The following FHIT variants were observed in gnomAD, a reference collection of about 807,000 sequenced individuals.
FHIT encodes bis(5'-adenosyl)-triphosphatase.
A neutral mutation model predicts 17.9 loss-of-function variants in FHIT; 19 were observed. That is an observed-to-expected ratio of 1.06 (90% CI 0.74 to 1.56). The LOEUF (loss-of-function observed/expected upper bound fraction) is 1.56, where lower values mean the gene tolerates loss of function less well. Ranked by LOEUF, FHIT falls within the 40% of genes most tolerant of loss-of-function variation. The pLI, the probability that FHIT is intolerant of heterozygous loss-of-function variation, is 0.00. For synonymous variants in FHIT, 81 were observed against 69.7 expected, an observed-to-expected ratio of 1.16 and a Z score of -0.81; for missense variants, 248 against 189.2, an observed-to-expected ratio of 1.31 and a Z score of -1.82.
At chr3:59,970,721 G>A (rs1367512143) in intron 7 of FHIT, among the ~76,000 whole-genome samples, 1 of 151,898 alleles carries the variant, frequency 6.6e-6, no homozygotes, top group African/African-American at 2.4e-5. Context: ...GTTAATTTTT[G>A]TTATTGTTGT....
intron 5 of FHIT, among the ~76,000 whole-genome samples, chr3:60,348,148 T>C (rs1710891046): frequency 6.6e-6 from 1 of 152,002 alleles, no homozygotes; most frequent in African/African-American, 2.4e-5. Flanking sequence ...AAAAATTGTG[T>C]CTATTTGTAA....
intron 3 of FHIT, among the ~76,000 whole-genome samples, chr3:60,837,744 T>G (rs762174198): frequency 1.3e-5 from 2 of 152,152 alleles, no homozygotes; most frequent in Non-Finnish European, 2.9e-5. Flanking sequence ...CTGTTTTGAT[T>G]TATCTAAAGT....
At chr3:61,029,258 T>G (rs2032889937) in intron 3 of FHIT, among the ~76,000 whole-genome samples, 1 of 152,158 alleles carries the variant, frequency 6.6e-6, no homozygotes, top group African/African-American at 2.4e-5. Context: ...GTACCAAGAT[T>G]TACTGCTCTG....
chr3:60,837,818 T>C lies in FHIT; in HGVS notation c.-110-15807A>G, dbSNP rs771639731. On this transcript the variant is annotated intron_variant, in intron 3 of 9. Transcript: ENST00000492590. The stretch of plus-strand genomic sequence containing the variant: ...TTCTCTAGGTATTACTTTATATATT[T>C]ATAACTAAACAGTTTACTGGTGTCA... 2.6e-5 allele frequency among the ~76,000 whole-genome samples: 4 copies of C among 152,164 alleles called. 1 individual carries two copies. The highest frequency in any genetic ancestry group is 6.5e-5 in the Admixed American group (1 of 15,268).
intron 2 of FHIT, among the ~76,000 whole-genome samples, chr3:61,057,688 G>C (rs924646135): frequency 8.5e-5 from 13 of 152,216 alleles, no homozygotes; most frequent in South Asian, 4.1e-4. Context: ...TGTGGCGGGG[G>C]AGAGAGGGTG....
intron 4 of FHIT, among the ~76,000 whole-genome samples, chr3:60,713,637 A>T (rs2041601837): frequency 6.6e-6 from 1 of 152,344 alleles, no homozygotes; most frequent in South Asian, 2.1e-4. Flanking sequence ...CCATCAGAGA[A>T]TACTATAAAC....
intron 6 of FHIT, among the ~76,000 whole-genome samples, chr3:60,012,265 TG>T (rs1477556950): frequency 3.1e-4 from 41 of 134,322 alleles, no homozygotes; most frequent in African/African-American, 6.2e-4. Context: ...TTTTTTTTGT[TG>T]TTTTTTTTTT....
intron 5 of FHIT, among the ~76,000 whole-genome samples, chr3:60,500,586 A>G (rs984676862): frequency 1.3e-5 from 2 of 151,340 alleles, no homozygotes; most frequent in African/African-American, 4.9e-5. Context: ...CCTGGTCAAC[A>G]TGGTAAAACC....
intron 5 of FHIT, among the ~76,000 whole-genome samples, chr3:60,029,962 T>C (rs980148356): frequency 6.8e-6 from 1 of 146,176 alleles, no homozygotes; most frequent in South Asian, 2.1e-4. Flanking sequence ...GCGTGGCTTT[T>C]TGCAGAGTCT....
intron 5 of FHIT, among the ~76,000 whole-genome samples, chr3:60,165,495 A>T (rs902189005): frequency 1.3e-5 from 2 of 152,204 alleles, no homozygotes; most frequent in East Asian, 3.9e-4. Context: ...GCTCATTGTC[A>T]TAAGTGATGT....
rs1167321659 is a variant in FHIT, at chr3:60,441,787, T to C, written c.103+95073A>G. On this transcript the variant is annotated intron_variant, in intron 5 of 9. Coordinates refer to ENST00000492590, the MANE Select transcript of FHIT (RefSeq NM_002012.4). ...ATATATATTTATATGTATAAAAATA[T>C]ATATATATATATATATATATATATA... is the stretch of plus-strand genomic sequence containing the variant. 3.1e-3 allele frequency among the ~76,000 whole-genome samples: 254 copies of C among 81,538 alleles called. 6 individuals are homozygous for C. The highest frequency in any genetic ancestry group is 0.016 in the African/African-American group (242 of 15,452). The allele number at this position is 81,538 out of a possible 152,430, so 53.5% of individuals were successfully genotyped here. A position where few individuals can be genotyped will look rare whatever the true frequency, so the allele number is the denominator to read the frequency against.
At chr3:60,012,562 C>A (rs1282372555) in intron 6 of FHIT, among the ~76,000 whole-genome samples, 2 of 152,074 alleles carry the variant, frequency 1.3e-5, no homozygotes, top group Non-Finnish European at 1.5e-5. Context: ...AGCCACCACA[C>A]CCAGCCAGAA....
At chr3:60,635,112 C>G (rs2039547869) in intron 4 of FHIT, among the ~76,000 whole-genome samples, 1 of 151,838 alleles carries the variant, frequency 6.6e-6, no homozygotes, top group South Asian at 2.1e-4. Context: ...TGCAGCAGAT[C>G]TTAGGGACAC....
intron 5 of FHIT, among the ~76,000 whole-genome samples, chr3:60,245,842 G>C (rs1305334843): frequency 6.6e-6 from 1 of 151,888 alleles, no homozygotes; most frequent in Non-Finnish European, 1.5e-5. Context: ...ACAATTATCT[G>C]GGCATTAACA....
chr3:60,982,513 T>C (rs1459427280), intron 3 of FHIT, among the ~76,000 whole-genome samples: 6 of 152,350 alleles, frequency 3.9e-5, no homozygotes, highest in Admixed American at 3.9e-4. Flanking sequence ...TGGTCTGCTT[T>C]CATTTCTTCG....
chr3:60,654,697 T>A (rs1453392527), intron 4 of FHIT, among the ~76,000 whole-genome samples: 1 of 152,202 alleles, frequency 6.6e-6, no homozygotes, highest in Non-Finnish European at 1.5e-5. Flanking sequence ...ACACAATGTC[T>A]TTGAGTATCA....
rs1408044992 is a variant in FHIT at position 60,810,224 on chromosome 3, A to G, written c.-18+11695T>C. On this transcript the variant is annotated intron_variant, in intron 4 of 9. Coordinates refer to ENST00000492590, the MANE Select transcript of FHIT (RefSeq NM_002012.4). ...GGCAGAATGATTTAGTAGCTCTATT[A>G]TAAAAGCAACTCCATTATAATTACA... Among the ~76,000 whole-genome samples, 4 of 152,196 alleles carry G rather than the reference A, an allele frequency of 2.6e-5. No individual in the cohort carries two copies. The East Asian group carries it at 5.8e-4, about 22-fold the overall frequency.
chr3:60,994,147 C>A (rs1039753171), intron 3 of FHIT, among the ~76,000 whole-genome samples: 1 of 152,144 alleles, frequency 6.6e-6, no homozygotes, highest in Non-Finnish European at 1.5e-5. Context: ...TATGTTACTT[C>A]TTCCATTGAA....
chr3:59,778,095 G>C (rs764036990), intron 8 of FHIT, among the ~76,000 whole-genome samples: 6 of 152,052 alleles, frequency 3.9e-5, no homozygotes, highest in African/African-American at 1.4e-4. Flanking sequence ...TCTCTTTGGC[G>C]GTCTGGGTCT....
Sources: allele counts gnomAD v4.1 joint callset (sites outside exome capture counted in the v4.1 genomes callset), GRCh38; gene constraint gnomAD v4.1.1; transcripts MANE v1.5; gene names NCBI Gene and HGNC (gene_info 2026-07-23, HGNC 2026-07-21).